SEPTIN7: variants seen among roughly 807,000 people sequenced by gnomAD.
SEPTIN7 encodes the protein septin 7, also known as septin-7.
SEPTIN7 carries 10 observed loss-of-function variants against 63.3 expected under a neutral mutation model. That is an observed-to-expected ratio of 0.16 (90% CI 0.10 to 0.27). The LOEUF (loss-of-function observed/expected upper bound fraction) is 0.27. Among genes scored for constraint, SEPTIN7 ranks in the 10% least tolerant of loss-of-function variants. The pLI, the probability that SEPTIN7 is intolerant of heterozygous loss-of-function variation, is 1.00. For synonymous variants in SEPTIN7, 131 were observed against 165.3 expected (o/e 0.79, Z 1.59); for missense variants, 310 against 521.0 (o/e 0.59, Z 3.94).
chr7:35,845,163 G>A (rs910210631), intron 3 of SEPTIN7, among the ~76,000 whole-genome samples: 3 of 152,098 alleles, frequency 2.0e-5, no homozygotes, highest in African/African-American at 7.3e-5. Flanking sequence ...GGAATGCTGT[G>A]TACTGTGAGT....
chr7:35,854,851 A>T (rs2079858780), intron 3 of SEPTIN7, among the ~76,000 whole-genome samples: 1 of 152,112 alleles, frequency 6.6e-6, no homozygotes, highest in Non-Finnish European at 1.5e-5. Flanking sequence ...AGAAAAATTT[A>T]AATGTTTCAT....
downstream of SEPTIN7, among the ~76,000 whole-genome samples, chr7:35,907,660 A>G (rs375984087): frequency 6.6e-6 from 1 of 152,166 alleles, no homozygotes; most frequent in African/African-American, 2.4e-5. Flanking sequence ...CTACACTGCC[A>G]CATTTCTGAA....
chr7:35,827,151 C>T (rs1156678815), intron 1 of SEPTIN7, among the ~76,000 whole-genome samples: 2 of 152,148 alleles, frequency 1.3e-5, no homozygotes, highest in African/African-American at 4.8e-5. Flanking sequence ...CTAGCAGATA[C>T]GCTTTTAGAA....
chr7:35,882,468 A>C lies in SEPTIN7; in HGVS notation c.631-16A>C. 2 of 1,442,796 alleles carry C rather than the reference A, an allele frequency of 1.4e-6. No individual in the cohort carries two copies. The highest frequency in any genetic ancestry group is 1.9e-6 in the Non-Finnish European group (2 of 1,080,910). 89.4% of individuals were successfully genotyped at this position (1,442,796 alleles called of 1,614,324 possible). On this transcript the variant is annotated splice_polypyrimidine_tract_variant and intron_variant, in intron 7 of 13. Coordinates refer to ENST00000350320, the MANE Select transcript of SEPTIN7 (RefSeq NM_001788.6). Reference sequence around the variant, plus strand: ...TATGTATGGTGCTCTTTTGCTGACTACTTCTTCCATTTTAGATAATGAAAG... The same window carrying C: ...TATGTATGGTGCTCTTTTGCTGACTCCTTCTTCCATTTTAGATAATGAAAG...
chr7:35,857,141 C>G (rs1333116178), intron 3 of SEPTIN7, among the ~76,000 whole-genome samples: 1 of 152,088 alleles, frequency 6.6e-6, no homozygotes, highest in African/African-American at 2.4e-5. Context: ...GGAAATTGAA[C>G]ACTTATCAAT....
At chr7:35,837,580 C>T (rs1160064433) in intron 3 of SEPTIN7, among the ~76,000 whole-genome samples, 2 of 152,114 alleles carry the variant, frequency 1.3e-5, no homozygotes, top group African/African-American at 4.8e-5. Context: ...ATACATAATA[C>T]CAAATTGCTC....
chr7:35,852,533 A>G (rs974555003), intron 3 of SEPTIN7, among the ~76,000 whole-genome samples: 9 of 152,212 alleles, frequency 5.9e-5, no homozygotes, highest in Non-Finnish European at 1.3e-4. Flanking sequence ...GGGAAGAATA[A>G]TAGTATTACC....
At chr7:35,903,708 A>G (rs1016841780) in intron 13 of SEPTIN7, among the ~76,000 whole-genome samples, 2 of 152,226 alleles carry the variant, frequency 1.3e-5, no homozygotes, top group Non-Finnish European at 2.9e-5. Flanking sequence ...AAATTCAATA[A>G]TATTTGTACC....
At chr7:35,817,269 A>C (rs549812541) in intron 1 of SEPTIN7, among the ~76,000 whole-genome samples, 1 of 152,062 alleles carries the variant, frequency 6.6e-6, no homozygotes, top group Non-Finnish European at 1.5e-5. Context: ...GTATGTGGCT[A>C]TCCAGTAGTT....
intron 3 of SEPTIN7, among the ~76,000 whole-genome samples, chr7:35,853,674 G>T (rs1339950843): frequency 6.6e-6 from 1 of 152,204 alleles, no homozygotes; most frequent in Non-Finnish European, 1.5e-5. Context: ...TTGAATGCAT[G>T]TAAAGTGCCT....
chr7:35,811,123 A>G (rs1039322704), intron 1 of SEPTIN7, among the ~76,000 whole-genome samples: 1 of 152,140 alleles, frequency 6.6e-6, no homozygotes, highest in Non-Finnish European at 1.5e-5. Context: ...GTTTTAGAGA[A>G]TACAGTAAAT....
At chr7:35,853,423 C>T (rs866717599) in intron 3 of SEPTIN7, among the ~76,000 whole-genome samples, 3 of 152,064 alleles carry the variant, frequency 2.0e-5, no homozygotes, top group African/African-American at 7.2e-5. Context: ...AGACTCTCCT[C>T]GGGGCTGGGC....
At chr7:35,881,971 T>TATGCAC (rs752647116) in intron 7 of SEPTIN7, among the ~76,000 whole-genome samples, 13 of 152,036 alleles carry the variant, frequency 8.6e-5, no homozygotes, top group African/African-American at 1.2e-4. Context: ...AATTTGTGTG[T>TATGCAC]ATGCACATGT....
intron 3 of SEPTIN7, among the ~76,000 whole-genome samples, chr7:35,841,184 A>G (rs890779947): frequency 1.3e-5 from 2 of 152,024 alleles, no homozygotes; most frequent in African/African-American, 4.8e-5. Flanking sequence ...TCGTGCCACT[A>G]CACTTCAGCT....
intron 1 of SEPTIN7, chr7:35,802,131 T>G (rs1583470559): frequency 5.9e-6 from 1 of 168,838 alleles, no homozygotes; most frequent in East Asian, 1.7e-4. Context: ...TTTAGGGAAA[T>G]TAATTTTTGA....
At chr7:35,841,599 T>A (rs1784410094) in intron 3 of SEPTIN7, among the ~76,000 whole-genome samples, 2 of 152,270 alleles carry the variant, frequency 1.3e-5, no homozygotes, top group South Asian at 4.1e-4. Context: ...CACTCAAGAT[T>A]GATTGGATAG....
chr7:35,815,037 A>T (rs2115741077), intron 1 of SEPTIN7: 1 of 188,612 alleles, frequency 5.3e-6, no homozygotes, highest in Non-Finnish European at 1.1e-5. Context: ...TCTTTTATTT[A>T]TTCATCAGTT....
rs148408656 is a variant in SEPTIN7, at chr7:35,882,302, TA to T, written c.631-168del. ...GGTGTTTATATATCAACTTCATAGT[TA>T]AAAAAAAAAAAAAGACTAGCGTAGT... is the stretch of plus-strand genomic sequence containing the variant. On this transcript the variant is annotated intron_variant, in intron 7 of 13. Transcript: ENST00000350320. Among the ~76,000 whole-genome samples, 1,128 of 140,190 alleles carry T rather than the reference TA, an allele frequency of 8.0e-3. 7 individuals carry two copies. The highest frequency in any genetic ancestry group is 0.022 in the East Asian group (111 of 4,940). 92.0% of individuals were successfully genotyped at this position (140,190 alleles called of 152,430 possible). A position where few individuals can be genotyped will look rare whatever the true frequency, so the allele number is the denominator to read the frequency against.
chr7:35,899,173 A>G (rs1788146978), intron 12 of SEPTIN7: 1 of 152,234 alleles, frequency 6.6e-6, no homozygotes. Context: ...AAAAAAAACT[A>G]TGGGTAATCC....
Sources: gnomAD v4.1 joint callset for allele counts (sites outside exome capture counted in the v4.1 genomes callset) on GRCh38, gnomAD v4.1.1 for gene constraint, MANE v1.5 for transcripts, NCBI Gene and HGNC (gene_info 2026-07-23, HGNC 2026-07-21) for gene names.